The following DPYD variants were observed in gnomAD, a reference collection of about 807,000 sequenced individuals.
The protein encoded by DPYD is dihydropyrimidine dehydrogenase [NADP(+)].
In DPYD, 109 loss-of-function variants were observed where a neutral mutation model predicts 116.2. The observed-to-expected ratio is 0.94, with a 90% confidence interval of 0.80 to 1.10. DPYD has a LOEUF of 1.10. Ranked by LOEUF, DPYD falls within the 50% of genes least tolerant of loss-of-function variation. The pLI is 0.00. For missense variants in DPYD, 1,302 were observed against 1,254.5 expected, an observed-to-expected ratio of 1.04 and a Z score of -0.57; for synonymous variants, 440 against 432.0, an observed-to-expected ratio of 1.02 and a Z score of -0.23.
chr1:97,190,981 C>T (rs898325625), intron 20 of DPYD, among the ~76,000 whole-genome samples: 11 of 151,870 alleles, frequency 7.2e-5, no homozygotes, highest in African/African-American at 9.7e-5. Context: ...CTATAGTATG[C>T]GGACACTGTG....
chr1:97,535,829 T>C lies in DPYD; in HGVS notation c.1524+13731A>G, dbSNP rs551900949. On this transcript the variant is annotated intron_variant, in intron 12 of 22. Coordinates refer to ENST00000370192, the MANE Select transcript of DPYD (RefSeq NM_000110.4). ...CATATGGATGTTACAAAAAATAAATTCTCCTTTACAAACAAAAACCTTCAC... is the reference window on the plus strand; with the variant it reads ...CATATGGATGTTACAAAAAATAAATCCTCCTTTACAAACAAAAACCTTCAC... Among the ~76,000 whole-genome samples the C allele has an allele frequency of 1.1e-4, 16 of 152,250 alleles. No individual in the cohort carries two copies. In the East Asian group the frequency reaches 3.1e-3, roughly 29 times the overall value.
chr1:97,313,758 T>C (rs144996646), intron 16 of DPYD, among the ~76,000 whole-genome samples: 3 of 152,092 alleles, frequency 2.0e-5, no homozygotes, highest in African/African-American at 7.2e-5. Flanking sequence ...AATGACTGCC[T>C]CTTTAGTGCT....
At chr1:97,714,655 C>CAAAAAAAAAAAAAA (rs1193831747) in intron 5 of DPYD, among the ~76,000 whole-genome samples, 6 of 49,922 alleles carry the variant, frequency 1.2e-4, no homozygotes, top group Non-Finnish European at 1.7e-4. Context: ...AAAGAAAAGA[C>CAAAAAAAAAAAAAA]AAAAAAAAAA....
intron 14 of DPYD, among the ~76,000 whole-genome samples, chr1:97,442,904 A>G (rs1453455907): frequency 6.6e-6 from 1 of 152,236 alleles, no homozygotes; most frequent in Admixed American, 6.5e-5. Context: ...TATTATTTTA[A>G]AAGTAGGGAT....
At chr1:97,823,447 G>T (rs1370430281) in intron 3 of DPYD, among the ~76,000 whole-genome samples, 1 of 152,044 alleles carries the variant, frequency 6.6e-6, no homozygotes, top group Non-Finnish European at 1.5e-5. Flanking sequence ...GTTGACTATA[G>T]TCACCTTACT....
At chr1:97,285,971 A>G (rs978976970) in intron 18 of DPYD, among the ~76,000 whole-genome samples, 1 of 152,150 alleles carries the variant, frequency 6.6e-6, no homozygotes, top group Non-Finnish European at 1.5e-5. Context: ...TTATGATGTT[A>G]GCTGGTTATT....
intron 5 of DPYD, among the ~76,000 whole-genome samples, chr1:97,714,546 T>A (rs1662494780): frequency 1.3e-5 from 2 of 151,420 alleles, no homozygotes; most frequent in Non-Finnish European, 2.9e-5. Flanking sequence ...TTTAAATTTT[T>A]CAGTAGTGCT....
At chr1:97,701,187 C>CAT (rs1661576632) in intron 5 of DPYD, among the ~76,000 whole-genome samples, 1 of 147,034 alleles carries the variant, frequency 6.8e-6, no homozygotes, top group African/African-American at 2.5e-5. Flanking sequence ...AAAGCTGGTA[C>CAT]ATATATATAT....
At chr1:97,340,191 A>G (rs1570556659) in intron 16 of DPYD, among the ~76,000 whole-genome samples, 1 of 152,258 alleles carries the variant, frequency 6.6e-6, no homozygotes, top group South Asian at 2.1e-4. Flanking sequence ...AATGGAATGA[A>G]TTATGAAAAT....
At chr1:97,684,387 CT>C (rs1389906173) in intron 7 of DPYD, among the ~76,000 whole-genome samples, 2 of 151,952 alleles carry the variant, frequency 1.3e-5, no homozygotes, top group Admixed American at 1.3e-4. Context: ...GTGCTGTGGC[CT>C]AAGAGACTGT....
At chr1:97,290,878 C>T (rs1455935212) in intron 18 of DPYD, among the ~76,000 whole-genome samples, 6 of 152,078 alleles carry the variant, frequency 3.9e-5, no homozygotes, top group Non-Finnish European at 8.8e-5. Context: ...GCAAAAGAAA[C>T]TACCATCAGA....
intron 8 of DPYD, among the ~76,000 whole-genome samples, chr1:97,636,091 G>A (rs1327477919): frequency 1.3e-5 from 2 of 151,970 alleles, no homozygotes; most frequent in Non-Finnish European, 2.9e-5. Flanking sequence ...AAAGTGCTGG[G>A]ATTACAGGCA....
At chr1:97,420,653 C>T (rs187393794) in intron 14 of DPYD, among the ~76,000 whole-genome samples, 26 of 152,196 alleles carry the variant, frequency 1.7e-4, no homozygotes, top group African/African-American at 5.8e-4. Context: ...GATCTCTTTC[C>T]AACCATCATG....
At chr1:97,285,496 C>A (rs969965155) in intron 18 of DPYD, among the ~76,000 whole-genome samples, 1 of 152,038 alleles carries the variant, frequency 6.6e-6, no homozygotes, top group African/African-American at 2.4e-5. Flanking sequence ...TTGATGTATA[C>A]AATCATATAT....
chr1:97,212,893 A>G (rs1000390819), intron 19 of DPYD, among the ~76,000 whole-genome samples: 17 of 152,164 alleles, frequency 1.1e-4, no homozygotes, highest in African/African-American at 4.1e-4. Context: ...CAGTAATAAC[A>G]CCTGTCTTAG....
intron 18 of DPYD, among the ~76,000 whole-genome samples, chr1:97,258,090 C>A (rs191365551): frequency 9.8e-4 from 149 of 152,102 alleles, no homozygotes; most frequent in African/African-American, 3.2e-3. Flanking sequence ...TTAGGTGTGT[C>A]GTAGGGCCTA....
At chr1:97,467,614 C>T (rs1677404819) in intron 13 of DPYD, among the ~76,000 whole-genome samples, 1 of 152,180 alleles carries the variant, frequency 6.6e-6, no homozygotes, top group Non-Finnish European at 1.5e-5. Context: ...TTCACTCTCT[C>T]TCGCTGCTAT....
chr1:97,407,097 T>C lies in DPYD; in HGVS notation c.1906-24636A>G, dbSNP rs541170984. ...TTCAGAGGCTTTAACAAATATTCAT[T>C]TAATAAACTACCTTTCTAAATTAAA... On this transcript the variant is annotated intron_variant, in intron 14 of 22. Coordinates refer to ENST00000370192, the MANE Select transcript of DPYD (RefSeq NM_000110.4). Among the ~76,000 whole-genome samples the C allele has an allele frequency of 2.7e-3, 406 of 152,288 alleles. 2 individuals carry two copies. Among genetic ancestry groups the C allele is most frequent in the African/African-American group, 9.4e-3 (390 of 41,566 alleles).
At chr1:97,350,980 A>G (rs1670110013) in intron 16 of DPYD, among the ~76,000 whole-genome samples, 1 of 152,184 alleles carries the variant, frequency 6.6e-6, no homozygotes, top group Non-Finnish European at 1.5e-5. Flanking sequence ...AATTGGCTAC[A>G]GGAAGTCGTG....
Sources: gnomAD v4.1 joint callset for allele counts (sites outside exome capture counted in the v4.1 genomes callset) on GRCh38, gnomAD v4.1.1 for gene constraint, MANE v1.5 for transcripts, NCBI Gene and HGNC (gene_info 2026-07-23, HGNC 2026-07-21) for gene names.